ARHGEF4: variants seen among roughly 807,000 people sequenced by gnomAD.
The protein encoded by ARHGEF4 is Rho guanine nucleotide exchange factor 4.
Under a neutral mutation model 162.0 loss-of-function variants are expected in ARHGEF4, and 119 were observed. That is an observed-to-expected ratio of 0.73 (90% CI 0.63 to 0.86). The LOEUF is 0.86. Ranked by LOEUF, ARHGEF4 falls within the 40% of genes least tolerant of loss-of-function variation. The probability of loss-of-function intolerance (pLI) is 0.00; values close to 1 mark genes in which losing one functional copy is unlikely to be tolerated. For synonymous variants in ARHGEF4, 1,014 were observed against 979.9 expected (o/e 1.03, Z -0.65); for missense variants, 2,488 against 2,456.0 (o/e 1.01, Z -0.28).
At position 130,998,380 on chromosome 2, in the gene ARHGEF4, A is replaced by G. The variant is rs189408533; in HGVS notation, c.3986-29565A>G. ...GGTTCACTTTGTGTGTTTATATCCT[A>G]TGAGATTTGACAAATGTGTAATGAC... On this transcript the variant is annotated intron_variant, in intron 4 of 13. Coordinates refer to ENST00000409359, the MANE Select transcript of ARHGEF4 (RefSeq NM_001367493.1). 8.5e-5 allele frequency among the ~76,000 whole-genome samples: 13 copies of G among 152,210 alleles called. 1 individual carries two copies. The highest frequency in any genetic ancestry group is 3.1e-4 in the African/African-American group (13 of 41,550).
intron 4 of ARHGEF4, among the ~76,000 whole-genome samples, chr2:130,973,135 T>C (rs577130957): frequency 1.3e-5 from 2 of 152,374 alleles, no homozygotes; most frequent in South Asian, 4.1e-4. Flanking sequence ...CAATTAAAAC[T>C]GCTGGCCTAC....
At chr2:131,015,609 C>A (rs1688724182) in intron 4 of ARHGEF4, among the ~76,000 whole-genome samples, 1 of 152,180 alleles carries the variant, frequency 6.6e-6, no homozygotes, top group East Asian at 1.9e-4. Context: ...AAAAGCTAGT[C>A]TGGGTGCAAG....
rs112513161 is a variant in ARHGEF4 at position 130,857,093 on chromosome 2, G to A, written c.39+20101G>A. Among the ~76,000 whole-genome samples, 157 of 152,232 alleles carry A rather than the reference G, an allele frequency of 1.0e-3. 2 individuals are homozygous for A. The East Asian group carries it at 0.019, about 19-fold the overall frequency. On this transcript the variant is annotated intron_variant, in intron 1 of 13. Coordinates refer to ENST00000409359, the MANE Select transcript of ARHGEF4 (RefSeq NM_001367493.1). ...TAATAATACAAAAAATTAGCTGGGC[G>A]TGGTGGCGGGTGCCTGTAGTCCCAG...
At position 130,916,733 on chromosome 2, in the gene ARHGEF4, C is replaced by T; in HGVS notation, c.2787C>T (p.Asn929=). ...AGTCAATAGTTCTAGAGAAAGAGAA[C>T]ACCCATGAACGTTCCCCAAGTTCTC... ...FIESIVLEKE[N]THERSPSSPK... Residue 929 remains asparagine, a synonymous_variant, in exon 2 of 14, where the codon AAC becomes AAT. Transcript: ENST00000409359. 6.4e-7 allele frequency: 1 copy of T among 1,550,658 alleles called. No individual in the cohort carries two copies. Among genetic ancestry groups the T allele is most frequent in the South Asian group, 1.2e-5 (1 of 84,062 alleles).
chr2:130,871,940 C>T (rs80058075), intron 1 of ARHGEF4, among the ~76,000 whole-genome samples: 2,765 of 152,310 alleles, frequency 0.018, 82 homozygotes, highest in African/African-American at 0.063. Context: ...GCCTATCCAG[C>T]GTCATGATGA....
chr2:130,975,649 A>G (rs991553582), intron 4 of ARHGEF4, among the ~76,000 whole-genome samples: 2 of 152,170 alleles, frequency 1.3e-5, no homozygotes, highest in African/African-American at 4.8e-5. Context: ...TGCACGTGGC[A>G]TGCCCTGCAC....
chr2:130,936,565 CT>C lies in ARHGEF4; in HGVS notation c.3858+5316del, dbSNP rs370632227. 2.3e-3 allele frequency among the ~76,000 whole-genome samples: 354 copies of C among 152,034 alleles called. 2 individuals carry two copies. The highest frequency in any genetic ancestry group is 8.1e-3 in the African/African-American group (335 of 41,482). ...CCCAGATATATAACTTCTGCTGAAC[CT>C]TTTTTTTCTTTCCCTCTTTTTATAT... On this transcript the variant is annotated intron_variant, in intron 3 of 13. Transcript: ENST00000409359.
intron 4 of ARHGEF4, among the ~76,000 whole-genome samples, chr2:130,974,107 T>TAAA (rs750848622): frequency 1.5e-5 from 2 of 135,020 alleles, no homozygotes; most frequent in African/African-American, 5.5e-5. Context: ...TTGTCTCTAC[T>TAAA]AAAAAAAAAA....
At chr2:130,959,955 C>G (rs1316169957) in intron 4 of ARHGEF4, among the ~76,000 whole-genome samples, 1 of 152,226 alleles carries the variant, frequency 6.6e-6, no homozygotes, top group African/African-American at 2.4e-5. Context: ...ACCACCTTCA[C>G]ATCATCAAGC....
rs1430600259 is a variant in ARHGEF4, at chr2:131,044,527, C to T, written c.5386C>T (p.Leu1796=). The T allele has an allele frequency of 6.4e-7, 1 of 1,550,756 alleles. No homozygotes were observed. Among genetic ancestry groups the T allele is most frequent in the South Asian group, 1.2e-5 (1 of 84,072 alleles). Residue 1796 remains leucine (L), a synonymous_variant, in exon 12 of 14, where the codon CTG becomes TTG. Transcript: ENST00000409359. The part of the protein sequence containing the change: ...AFAREREQVQ[L]DQETGFSITE... ...TGCCAGGGAGAGGGAGCAGGTGCAG[C>T]TGGACCAGGAGACAGGTTCGAGACC...
intron 4 of ARHGEF4, among the ~76,000 whole-genome samples, chr2:131,011,055 G>A (rs570245886): frequency 6.6e-6 from 1 of 152,342 alleles, no homozygotes; most frequent in Non-Finnish European, 1.5e-5. Context: ...TCTGAATTCT[G>A]CTGCCATTTT....
At chr2:131,038,758 C>A in intron 5 of ARHGEF4, 95 bp from the exon 6 acceptor site, 1 of 1,400,062 alleles carries the variant, frequency 7.1e-7, no homozygotes, top group Non-Finnish European at 9.6e-7. Flanking sequence ...GTCAGGATCC[C>A]CTCTTCCCAG....
chr2:130,873,547 A>G (rs1275966054), intron 1 of ARHGEF4, among the ~76,000 whole-genome samples: 1 of 150,476 alleles, frequency 6.6e-6, no homozygotes, highest in African/African-American at 2.5e-5. Context: ...AGACTGCGCC[A>G]TTGCACTCCA....
In ARHGEF4 at chr2:130,915,573, T is replaced by G; in HGVS notation, c.1627T>G (p.Cys543Gly). Residue 543 changes from cysteine to glycine, a missense_variant, in exon 2 of 14, where the codon TGC (cysteine) becomes GGC (glycine). Cys to Gly is a radical substitution (Grantham distance 159, BLOSUM62 -3). Around this residue, in one of 6 missense-constraint regions of ARHGEF4, gnomAD observed 1,642 missense variants for 1,481.5 expected, o/e 1.11. Coordinates refer to ENST00000409359, the MANE Select transcript of ARHGEF4 (RefSeq NM_001367493.1). ...TQVWSGDLMG[C>G]LEVSDSSDAP... is the part of the protein sequence containing the mutation. ...GGTGTGGAGTGGAGACTTGATGGGCTGCTTGGAAGTGAGTGACAGTTCAGA... is the reference window on the plus strand; with the variant it reads ...GGTGTGGAGTGGAGACTTGATGGGCGGCTTGGAAGTGAGTGACAGTTCAGA... The G allele has an allele frequency of 6.4e-7, 1 of 1,550,510 alleles. No individual in the cohort carries two copies. Among genetic ancestry groups the G allele is most frequent in the Non-Finnish European group, 8.7e-7 (1 of 1,146,980 alleles).
At chr2:130,977,249 C>T (rs778255000) in intron 4 of ARHGEF4, among the ~76,000 whole-genome samples, 1 of 150,738 alleles carries the variant, frequency 6.6e-6, no homozygotes, top group Non-Finnish European at 1.5e-5. Flanking sequence ...GTATGCTGTG[C>T]ATGTGTAGTG....
chr2:130,893,477 G>A (rs1679977594), intron 1 of ARHGEF4, among the ~76,000 whole-genome samples: 1 of 152,194 alleles, frequency 6.6e-6, no homozygotes, highest in Non-Finnish European at 1.5e-5. Flanking sequence ...ACTGTCAACT[G>A]CCTTGGCCTG....
At chr2:130,986,775 T>C (rs72860132) in intron 4 of ARHGEF4, among the ~76,000 whole-genome samples, 1 of 152,328 alleles carries the variant, frequency 6.6e-6, no homozygotes, top group Non-Finnish European at 1.5e-5. Context: ...AGTCACTTCA[T>C]AATTGTCTGC....
intron 4 of ARHGEF4, among the ~76,000 whole-genome samples, chr2:130,966,868 G>A (rs1048628626): frequency 6.6e-6 from 1 of 152,310 alleles, no homozygotes; most frequent in South Asian, 2.1e-4. Context: ...GATCTGGGGG[G>A]TGCGCCCCAC....
chr2:130,953,192 C>G (rs1684058115), intron 4 of ARHGEF4, among the ~76,000 whole-genome samples: 1 of 152,132 alleles, frequency 6.6e-6, no homozygotes, highest in South Asian at 2.1e-4. Context: ...CAGCATGGTA[C>G]TGGTACCAAA....
Sources: allele counts gnomAD v4.1 joint callset (sites outside exome capture counted in the v4.1 genomes callset), GRCh38; gene constraint gnomAD v4.1.1; regional missense constraint gnomAD v4.1.1; transcripts MANE v1.5; gene names NCBI Gene and HGNC (gene_info 2026-07-23, HGNC 2026-07-21).